Variants in KCNMB2 observed in about 807,000 individuals in gnomAD.
KCNMB2 encodes potassium calcium-activated channel subfamily M regulatory beta subunit 2.
Under a neutral mutation model 24.5 loss-of-function variants are expected in KCNMB2, and 9 were observed. The ratio of observed to expected loss-of-function variants is 0.37; its 90% CI spans 0.22 to 0.64. KCNMB2 has a LOEUF of 0.64. Among genes scored for constraint, KCNMB2 ranks in the 30% least tolerant of loss-of-function variants. The pLI is 0.63. For synonymous variants in KCNMB2, 109 were observed against 104.4 expected (o/e 1.04, Z -0.27); for missense variants, 226 against 284.3 (o/e 0.79, Z 1.47).
intron 1 of KCNMB2, among the ~76,000 whole-genome samples, chr3:178,627,506 G>A (rs1719165032): frequency 6.6e-6 from 1 of 152,164 alleles, no homozygotes; most frequent in South Asian, 2.1e-4. Flanking sequence ...AAAAGCGTGT[G>A]AGAAATGATA....
At chr3:178,580,923 G>C (rs919842631) in intron 1 of KCNMB2, among the ~76,000 whole-genome samples, 4 of 152,106 alleles carry the variant, frequency 2.6e-5, no homozygotes, top group African/African-American at 4.8e-5. Context: ...AATCAATATA[G>C]TTAAAATGGC....
At chr3:178,837,158 C>T (rs952800149) in intron 4 of KCNMB2, among the ~76,000 whole-genome samples, 5 of 152,152 alleles carry the variant, frequency 3.3e-5, no homozygotes, top group African/African-American at 1.2e-4. Context: ...GAAAACCATG[C>T]AGCTAGTAAT....
At chr3:178,589,630 C>T (rs1371083006) in intron 1 of KCNMB2, among the ~76,000 whole-genome samples, 1 of 152,248 alleles carries the variant, frequency 6.6e-6, no homozygotes, top group East Asian at 1.9e-4. Flanking sequence ...AAGTGTGTGC[C>T]ACCACACCTG....
At chr3:178,768,579 C>T (rs1204504585) in intron 1 of KCNMB2, among the ~76,000 whole-genome samples, 2 of 152,026 alleles carry the variant, frequency 1.3e-5, no homozygotes, top group African/African-American at 4.8e-5. Context: ...ACAAAATGTT[C>T]TTGGCTGGCA....
At chr3:178,655,095 C>CCTCTCTCTCTCTCTCTCTCTCT (rs67468527) in intron 1 of KCNMB2, among the ~76,000 whole-genome samples, 2 of 111,138 alleles carry the variant, frequency 1.8e-5, no homozygotes, top group Non-Finnish European at 3.6e-5. Flanking sequence ...ATTAGCTCTC[C>CCTCTCTCTCTCTCTCTCTCTCT]CTCTCTCTCT....
chr3:178,571,498 T>G (rs1716797204), intron 1 of KCNMB2, among the ~76,000 whole-genome samples: 2 of 140,886 alleles, frequency 1.4e-5, no homozygotes, highest in East Asian at 2.2e-4. Context: ...TTTTTTCTGT[T>G]TCACTTATTT....
intron 1 of KCNMB2, among the ~76,000 whole-genome samples, chr3:178,568,938 A>G (rs1716668786): frequency 6.6e-6 from 1 of 152,140 alleles, no homozygotes; most frequent in Non-Finnish European, 1.5e-5. Context: ...GGTTTAAAAG[A>G]GTTCAGTCTC....
intron 1 of KCNMB2, among the ~76,000 whole-genome samples, chr3:178,555,920 G>A (rs1264613378): frequency 6.6e-6 from 1 of 152,196 alleles, no homozygotes; most frequent in Non-Finnish European, 1.5e-5. Context: ...ATCATGGAAG[G>A]CTGCATATTT....
At position 178,657,568 on chromosome 3, in the gene KCNMB2, T is replaced by A. The variant is rs1387860181; in HGVS notation, c.-68+120857T>A. ...GCTTACCATCAATGGATAAAAGCTA[T>A]CCTCATGTCTGTGGTCTGTAATCAG... On this transcript the variant is annotated intron_variant, in intron 1 of 4. Transcript: ENST00000452583. 2.0e-5 allele frequency among the ~76,000 whole-genome samples: 3 copies of A among 152,256 alleles called. No individual in the cohort carries two copies. The South Asian group carries it at 6.2e-4, about 32-fold the overall frequency.
At chr3:178,605,391 AACTG>A (rs1312896190) in intron 1 of KCNMB2, among the ~76,000 whole-genome samples, 2 of 152,198 alleles carry the variant, frequency 1.3e-5, no homozygotes, top group Non-Finnish European at 2.9e-5. Flanking sequence ...TAGCAGCCCA[AACTG>A]ACTAAGACAG....
chr3:178,644,369 AC>A (rs1719837088), intron 1 of KCNMB2, among the ~76,000 whole-genome samples: 1 of 152,184 alleles, frequency 6.6e-6, no homozygotes, highest in African/African-American at 2.4e-5. Context: ...TGTGAATTGG[AC>A]CACAGGGCTG....
At position 178,548,421 on chromosome 3, in the gene KCNMB2, A is replaced by T. The variant is rs1221658631; in HGVS notation, c.-68+11710A>T. On this transcript the variant is annotated intron_variant, in intron 1 of 4. Coordinates refer to ENST00000452583, the MANE Select transcript of KCNMB2 (RefSeq NM_181361.3). ...AGCAAATCAAGTCTTCTAGGACTGG[A>T]TGTCAAGACCCTCCAATTTTTGATG... is the stretch of plus-strand genomic sequence containing the variant. Among the ~76,000 whole-genome samples, 10 of 152,262 alleles carry T rather than the reference A, an allele frequency of 6.6e-5. No individual in the cohort carries two copies. In the East Asian group the frequency reaches 1.9e-3, roughly 29 times the overall value.
At chr3:178,697,143 G>T (rs774290006) in intron 1 of KCNMB2, among the ~76,000 whole-genome samples, 2 of 152,088 alleles carry the variant, frequency 1.3e-5, no homozygotes, top group Non-Finnish European at 2.9e-5. Flanking sequence ...GCTGAGTTCA[G>T]GTCCTGAATA....
Position 178,806,437 on chromosome 3 carries a change from C to G in KCNMB2, c.-67-906C>G, listed in dbSNP as rs1560029129. Among the ~76,000 whole-genome samples the G allele has an allele frequency of 2.0e-5, 3 of 152,096 alleles. No homozygotes were observed. In the East Asian group the frequency reaches 5.8e-4, roughly 29 times the overall value. On this transcript the variant is annotated intron_variant, in intron 1 of 4. Coordinates refer to ENST00000452583, the MANE Select transcript of KCNMB2 (RefSeq NM_181361.3). ...AGCTAATGTTATTTCCCATCTCATGCTTATCATTAATATTGTGCTTAACCA... is the reference window on the plus strand; with the variant it reads ...AGCTAATGTTATTTCCCATCTCATGGTTATCATTAATATTGTGCTTAACCA...
chr3:178,739,035 G>A (rs1256446138), intron 1 of KCNMB2, among the ~76,000 whole-genome samples: 1 of 151,242 alleles, frequency 6.6e-6, no homozygotes, highest in Non-Finnish European at 1.5e-5. Context: ...TTGATATGTA[G>A]TAAGGAAAAA....
intron 1 of KCNMB2, among the ~76,000 whole-genome samples, chr3:178,740,096 C>A (rs1723445908): frequency 6.6e-6 from 1 of 151,572 alleles, no homozygotes; most frequent in Non-Finnish European, 1.5e-5. Flanking sequence ...TTTCCTTCTG[C>A]TGCTGCTTCT....
At position 178,608,394 on chromosome 3, in the gene KCNMB2, T is replaced by A. The variant is rs369840900; in HGVS notation, c.-68+71683T>A. Among the ~76,000 whole-genome samples the A allele has an allele frequency of 9.3e-5, 14 of 150,836 alleles. 1 individual carries two copies. Among genetic ancestry groups the A allele is most frequent in the African/African-American group, 2.9e-4 (12 of 41,302 alleles). On this transcript the variant is annotated intron_variant, in intron 1 of 4. Coordinates refer to ENST00000452583, the MANE Select transcript of KCNMB2 (RefSeq NM_181361.3). Reference sequence around the variant, plus strand: ...TTGTATTTTTAATTTATCCTTTTTTTAATTTTTGTGGGTACATAGTAGGTG... The same window carrying A: ...TTGTATTTTTAATTTATCCTTTTTTAAATTTTTGTGGGTACATAGTAGGTG...
chr3:178,670,381 A>G, intron 1 of KCNMB2, among the ~76,000 whole-genome samples: 1 of 150,642 alleles, frequency 6.6e-6, no homozygotes, highest in East Asian at 1.9e-4. Flanking sequence ...TTATAGAAGC[A>G]AATGATATTA....
At chr3:178,780,357 T>C (rs998431353) in intron 1 of KCNMB2, among the ~76,000 whole-genome samples, 6 of 152,316 alleles carry the variant, frequency 3.9e-5, no homozygotes, top group Admixed American at 3.9e-4. Context: ...TCTTAATCCA[T>C]CCTGAATGTC....
Sources: allele counts gnomAD v4.1 joint callset (sites outside exome capture counted in the v4.1 genomes callset), GRCh38; gene constraint gnomAD v4.1.1; transcripts MANE v1.5; gene names NCBI Gene and HGNC (gene_info 2026-07-23, HGNC 2026-07-21).